Variants in KCNC2 observed in about 807,000 individuals in gnomAD.
The protein encoded by KCNC2 is voltage-gated potassium channel KCNC2.
In KCNC2, 21 loss-of-function variants were observed where a neutral mutation model predicts 44.5. The observed-to-expected ratio is 0.47, with a 90% CI of 0.33 to 0.68. The LOEUF is 0.68. KCNC2 is among the 30% of genes least tolerant of loss of function. KCNC2 has a pLI of 0.01. For synonymous variants in KCNC2, 391 were observed against 339.1 expected (o/e 1.15, Z -1.68); for missense variants, 589 against 826.2 (o/e 0.71, Z 3.52).
intron 2 of KCNC2, among the ~76,000 whole-genome samples, chr12:75,189,879 C>G (rs1450437437): frequency 6.6e-6 from 1 of 152,198 alleles, no homozygotes; most frequent in Admixed American, 6.5e-5. Flanking sequence ...TCTTCTGTAA[C>G]CTCGTGGATT....
chr12:75,200,852 T>C (rs1256089810), intron 2 of KCNC2, among the ~76,000 whole-genome samples: 1 of 151,788 alleles, frequency 6.6e-6, no homozygotes, highest in Non-Finnish European at 1.5e-5. Flanking sequence ...ATTGAATAAT[T>C]TGACACTATT....
chr12:75,054,161 G>T (rs1263688693), intron 2 of KCNC2, among the ~76,000 whole-genome samples: 4 of 151,706 alleles, frequency 2.6e-5, no homozygotes, highest in African/African-American at 7.3e-5. Flanking sequence ...AGGAGGAAAA[G>T]GTTGCAGTGA....
chr12:75,173,779 C>T (rs1440660996), intron 2 of KCNC2, among the ~76,000 whole-genome samples: 2 of 151,750 alleles, frequency 1.3e-5, no homozygotes, highest in Non-Finnish European at 2.9e-5. Flanking sequence ...TTCACAAAGT[C>T]ATTACTGCAA....
intron 2 of KCNC2, among the ~76,000 whole-genome samples, chr12:75,091,538 A>G (rs1885474058): frequency 6.6e-6 from 1 of 151,644 alleles, no homozygotes; most frequent in Non-Finnish European, 1.5e-5. Flanking sequence ...AAAAAACAAT[A>G]GTACTTTTAT....
chr12:75,043,420 T>C lies in KCNC2; in HGVS notation c.1781-179A>G, dbSNP rs985310109. On this transcript the variant is annotated intron_variant, in intron 4 of 4. Transcript: ENST00000549446. ...AAAATGAAGCTCACTGTAGTTGCCA[T>C]TTTGAAAAGATTAAACCAGCCATCA... 1.5e-5 allele frequency: 21 copies of C among 1,370,130 alleles called. No individual in the cohort carries two copies. The African/African-American group carries it at 2.7e-4, about 17-fold the overall frequency. 84.9% of individuals were successfully genotyped at this position (1,370,130 alleles called of 1,614,324 possible). A position where few individuals can be genotyped will look rare whatever the true frequency, so the allele number is the denominator to read the frequency against.
At chr12:75,178,469 GT>G (rs1171947316) in intron 2 of KCNC2, among the ~76,000 whole-genome samples, 3 of 151,992 alleles carry the variant, frequency 2.0e-5, no homozygotes, top group African/African-American at 7.2e-5. Flanking sequence ...AGTGTGTAAA[GT>G]TTGTTTCTTA....
intron 2 of KCNC2, among the ~76,000 whole-genome samples, chr12:75,180,866 G>A (rs530213360): frequency 1.1e-4 from 17 of 152,108 alleles, no homozygotes; most frequent in African/African-American, 3.9e-4. Flanking sequence ...AGAATTCTTG[G>A]TGTAATTTTT....
chr12:75,147,202 C>T (rs753235331), intron 2 of KCNC2, among the ~76,000 whole-genome samples: 18 of 151,824 alleles, frequency 1.2e-4, no homozygotes, highest in Non-Finnish European at 2.5e-4. Flanking sequence ...CAATAAGACA[C>T]CTAGAGATAA....
intron 2 of KCNC2, among the ~76,000 whole-genome samples, chr12:75,082,522 ATTTTT>A (rs148537576): frequency 5.1e-5 from 7 of 137,794 alleles, no homozygotes; most frequent in African/African-American, 7.9e-5. Context: ...CACCCACGAG[ATTTTT>A]TTTTTTTTTT....
chr12:75,043,238 T>C lies in KCNC2; in HGVS notation c.1784A>G (p.Tyr595Cys), dbSNP rs781641695. 1 of 1,611,920 alleles carries C rather than the reference T, an allele frequency of 6.2e-7. No homozygotes were observed. The highest frequency in any genetic ancestry group is 8.5e-7 in the Non-Finnish European group (1 of 1,178,700). Reference protein sequence around the residue: ...CASDGGIRKGYEKSRSLNNIA... With the variant: ...CASDGGIRKGCEKSRSLNNIA... Reference sequence around the variant, plus strand: ...GTTGTTTAAGCTTCGGGATTTTTCATATCCTTTTATGAAAAAATGCACAGA... The same window carrying C: ...GTTGTTTAAGCTTCGGGATTTTTCACATCCTTTTATGAAAAAATGCACAGA... Residue 595 changes from tyrosine (Y) to cysteine (C), a missense_variant, in exon 5 of 5, where the codon TAT (tyrosine) becomes TGT (cysteine). Physicochemically the swap from Tyr to Cys is radical, Grantham distance 194. Coordinates refer to ENST00000549446, the MANE Select transcript of KCNC2 (RefSeq NM_139137.4).
intron 2 of KCNC2, among the ~76,000 whole-genome samples, chr12:75,059,468 C>A (rs1242041721): frequency 6.6e-6 from 1 of 152,092 alleles, no homozygotes; most frequent in Non-Finnish European, 1.5e-5. Flanking sequence ...TAGGAGAAAT[C>A]ACCCATTGTC....
intron 2 of KCNC2, among the ~76,000 whole-genome samples, chr12:75,195,958 A>G (rs917488556): frequency 1.2e-4 from 18 of 152,132 alleles, no homozygotes; most frequent in African/African-American, 2.9e-4. Context: ...CAGTACCTCA[A>G]ACAGGACAAA....
chr12:75,151,386 G>A lies in KCNC2; in HGVS notation c.687+55911C>T, dbSNP rs376217276. Among the ~76,000 whole-genome samples the A allele has an allele frequency of 3.9e-4, 59 of 152,076 alleles. 1 individual carries two copies. In the South Asian group the frequency reaches 0.011, roughly 29 times the overall value. The stretch of plus-strand genomic sequence containing the variant: ...CTTCGTTCGGAGAATTTAATCTAAA[G>A]CTAAATTGGGTTGGCCCACTGCCAG... On this transcript the variant is annotated intron_variant, in intron 2 of 4. Coordinates refer to ENST00000549446, the MANE Select transcript of KCNC2 (RefSeq NM_139137.4).
intron 1 of KCNC2, 97 bp from the exon 2 acceptor site, chr12:75,208,099 G>T (rs73187154): frequency 0.084 from 121,566 of 1,448,022 alleles, 5,738 homozygotes; most frequent in Admixed American, 0.16. Context: ...CAGGGATGCA[G>T]AGTTGGCAGA....
chr12:75,207,407 C>G lies in KCNC2; in HGVS notation c.577G>C (p.Glu193Gln), dbSNP rs776508803. The G allele has an allele frequency of 5.6e-6, 9 of 1,597,466 alleles. No homozygotes were observed. Among genetic ancestry groups the G allele is most frequent in the Non-Finnish European group, 6.8e-6 (8 of 1,172,462 alleles). The change falls in exon 2 of 5, where the codon GAG becomes CAG. Residue 193 changes from glutamate (E) to glutamine (Q), a missense_variant. Physicochemically the swap from Glu to Gln is conservative, Grantham distance 29 (BLOSUM62 2). Transcript: ENST00000549446. The surrounding 1 kb of genome is among the most constrained non-coding windows in gnomAD (Gnocchi z 4.1). ...EDLAAKRLGI[E>Q]DAAGLGGPDG... ...GGGCCCCCGAGCCCCGCCGCGTCCT[C>G]GATGCCCAGCCTCTTGGCCGCCAGG...
intron 2 of KCNC2, among the ~76,000 whole-genome samples, chr12:75,087,964 C>CAT (rs976165235): frequency 6.6e-6 from 1 of 150,744 alleles, no homozygotes; most frequent in African/African-American, 2.5e-5. Context: ...GTGACAGAAT[C>CAT]ATACATTTCA....
chr12:75,152,254 G>A (rs898066325), intron 2 of KCNC2, among the ~76,000 whole-genome samples: 16 of 148,836 alleles, frequency 1.1e-4, no homozygotes, highest in East Asian at 4.0e-4. Flanking sequence ...AAATACATAC[G>A]TAAACATATC....
chr12:75,182,520 C>CAAACAAACA (rs1892658867), intron 2 of KCNC2, among the ~76,000 whole-genome samples: 1 of 81,428 alleles, frequency 1.2e-5, no homozygotes, highest in Non-Finnish European at 2.6e-5. Context: ...GATTCCGTCT[C>CAAACAAACA]AAAAAAAAAA....
At chr12:75,192,145 C>A (rs140484848) in intron 2 of KCNC2, among the ~76,000 whole-genome samples, 1 of 152,238 alleles carries the variant, frequency 6.6e-6, no homozygotes, top group East Asian at 1.9e-4. Flanking sequence ...TTGGATATTT[C>A]TAATTTATTA....
Sources: gnomAD v4.1 joint callset for allele counts (sites outside exome capture counted in the v4.1 genomes callset) on GRCh38, gnomAD v4.1.1 for gene constraint, Gnocchi (gnomAD v3.1) non-coding constraint, MANE v1.5 for transcripts, NCBI Gene and HGNC (gene_info 2026-07-23, HGNC 2026-07-21) for gene names.